Variants in VPS35L observed in about 807,000 individuals in gnomAD.
The protein encoded by VPS35L is VPS35 endosomal protein sorting factor like.
In VPS35L, 83 loss-of-function variants were observed where a neutral mutation model predicts 133.0. That is an observed-to-expected ratio of 0.62 (90% CI 0.52 to 0.75). VPS35L has a LOEUF of 0.75. Ranked by LOEUF, VPS35L falls within the 30% of genes least tolerant of loss-of-function variation. The pLI, the probability that VPS35L is intolerant of heterozygous loss-of-function variation, is 0.00. For synonymous variants in VPS35L, 423 were observed against 449.9 expected (o/e 0.94, Z 0.76); for missense variants, 1,083 against 1,206.8 (o/e 0.90, Z 1.52).
intron 27 of VPS35L, among the ~76,000 whole-genome samples, chr16:19,682,002 G>A (rs775169425): frequency 1.3e-5 from 2 of 152,124 alleles, no homozygotes; most frequent in African/African-American, 4.8e-5. Flanking sequence ...CTCAAAGCTC[G>A]TTTGCCCAGA....
intron 26 of VPS35L, among the ~76,000 whole-genome samples, chr16:19,659,626 G>A (rs1974414565): frequency 6.6e-6 from 1 of 152,018 alleles, no homozygotes; most frequent in African/African-American, 2.4e-5. Flanking sequence ...CTCAAACTTA[G>A]CTGTTGGAAT....
intron 2 of VPS35L, among the ~76,000 whole-genome samples, chr16:19,568,410 G>GTTT (rs5816057): frequency 6.4e-5 from 9 of 139,806 alleles, no homozygotes; most frequent in Admixed American, 5.0e-4. Context: ...CATTTTTCAT[G>GTTT]TTTTTTTTTT....
intron 22 of VPS35L, among the ~76,000 whole-genome samples, chr16:19,643,932 T>C (rs1268276936): frequency 6.6e-6 from 1 of 152,150 alleles, no homozygotes; most frequent in Non-Finnish European, 1.5e-5. Context: ...CACTCCAGCC[T>C]GGGCAACAAG....
intron 29 of VPS35L, among the ~76,000 whole-genome samples, chr16:19,696,408 C>T (rs1035777606): frequency 6.6e-6 from 1 of 152,148 alleles, no homozygotes; most frequent in Non-Finnish European, 1.5e-5. Context: ...TGGTAGCAAC[C>T]GTGCTTCCAA....
At chr16:19,584,234 T>C (rs748980045) in intron 7 of VPS35L, among the ~76,000 whole-genome samples, 4 of 152,232 alleles carry the variant, frequency 2.6e-5, no homozygotes, top group Non-Finnish European at 5.9e-5. Flanking sequence ...GTGGGATTGC[T>C]ACATCATATG....
At chr16:19,591,989 C>A in intron 8 of VPS35L, 115 bp downstream of exon 8, 1 of 786,082 alleles carries the variant, frequency 1.3e-6, no homozygotes, top group South Asian at 1.6e-5. Flanking sequence ...TTAAGTAAGT[C>A]ATGGGAGAGA....
chr16:19,595,008 C>T (rs1972164916), intron 8 of VPS35L, among the ~76,000 whole-genome samples: 1 of 152,018 alleles, frequency 6.6e-6, no homozygotes, highest in African/African-American at 2.4e-5. Context: ...GGGGTGGGAG[C>T]ATTGGGAGCA....
chr16:19,584,329 TA>T (rs1039798031), intron 7 of VPS35L, among the ~76,000 whole-genome samples: 82 of 152,296 alleles, frequency 5.4e-4, no homozygotes, highest in African/African-American at 2.0e-3. Flanking sequence ...CCATAGTGTG[TA>T]AGAGTTCCCT....
At chr16:19,663,533 C>T (rs1974557570) in intron 26 of VPS35L, among the ~76,000 whole-genome samples, 1 of 143,826 alleles carries the variant, frequency 7.0e-6, no homozygotes, top group Non-Finnish European at 1.5e-5. Context: ...TTTTCCCCCG[C>T]CACCCTCCCC....
chr16:19,623,766 T>TTTA (rs199933640), intron 14 of VPS35L, among the ~76,000 whole-genome samples: 4,484 of 126,750 alleles, frequency 0.035, 85 homozygotes, highest in Non-Finnish European at 0.044. Context: ...TACTTATTTA[T>TTTA]TTATTATTAT....
chr16:19,682,099 T>G (rs1215083624), intron 27 of VPS35L, 126 bp from the exon 28 acceptor site: 1 of 1,085,482 alleles, frequency 9.2e-7, no homozygotes, highest in African/African-American at 1.6e-5. Context: ...TTGCCTTTGT[T>G]CAGTAACTGA....
intron 29 of VPS35L, among the ~76,000 whole-genome samples, chr16:19,695,862 G>A (rs1975888504): frequency 6.6e-6 from 1 of 151,996 alleles, no homozygotes; most frequent in Non-Finnish European, 1.5e-5. Flanking sequence ...GGTGGACCAA[G>A]CTGAAACTGA....
At chr16:19,694,963 G>A (rs1389217825) in intron 29 of VPS35L, among the ~76,000 whole-genome samples, 1 of 150,480 alleles carries the variant, frequency 6.6e-6, no homozygotes, top group Non-Finnish European at 1.5e-5. Context: ...CTGAGATCAC[G>A]CCACTGCACT....
At chr16:19,577,211 C>G (rs1971566420) in intron 5 of VPS35L, among the ~76,000 whole-genome samples, 1 of 152,202 alleles carries the variant, frequency 6.6e-6, no homozygotes, top group East Asian at 1.9e-4. Context: ...GGTGCAGCAT[C>G]TGCTGTTGGT....
rs2151570808 is a variant in VPS35L, at chr16:19,633,253, G to A, written c.1635+81G>A. The A allele has an allele frequency of 4.1e-6, 5 of 1,228,260 alleles. No individual in the cohort carries two copies. The East Asian group carries it at 1.2e-4, about 29-fold the overall frequency. The allele number at this position is 1,228,260 out of a possible 1,614,324, so 76.1% of individuals were successfully genotyped here. A position where few individuals can be genotyped will look rare whatever the true frequency, so the allele number is the denominator to read the frequency against. ...TAAATAGGCGTGTTGTATGGGTCAGGCTATAAAGGCACATAATCCTGTGTT... is the reference window on the plus strand; with the variant it reads ...TAAATAGGCGTGTTGTATGGGTCAGACTATAAAGGCACATAATCCTGTGTT... On this transcript the variant is annotated intron_variant, in intron 19 of 30. Coordinates refer to ENST00000417362, the MANE Select transcript of VPS35L (RefSeq NM_020314.7). The surrounding 1 kb of genome is among the most constrained non-coding windows in gnomAD (Gnocchi z 4.1).
At chr16:19,689,888 G>A (rs1237444639) in intron 28 of VPS35L, among the ~76,000 whole-genome samples, 1 of 152,158 alleles carries the variant, frequency 6.6e-6, no homozygotes, top group Non-Finnish European at 1.5e-5. Flanking sequence ...ATTGTATGCT[G>A]ATATAAAAAT....
chr16:19,569,596 T>G lies in VPS35L; in HGVS notation c.285+5T>G. ...GCAGCCTTGGCAGCTGCCATGGTAA[T>G]GCACCCCAGCCATGGTCGTCCAGTG... is the stretch of plus-strand genomic sequence containing the variant. On this transcript the variant is annotated splice_donor_5th_base_variant and intron_variant, in intron 3 of 30. Transcript: ENST00000417362. 1 of 1,535,146 alleles carries G rather than the reference T, an allele frequency of 6.5e-7. No homozygotes were observed. Among genetic ancestry groups the G allele is most frequent in the Admixed American group, 2.1e-5 (1 of 46,994 alleles).
chr16:19,633,294 C>A lies in VPS35L; in HGVS notation c.1635+122C>A. ...ATCCTGTGTTTGAATCATAGCTCTG[C>A]CATATCCTAGCCATGTGCCCTTTGA... is the stretch of plus-strand genomic sequence containing the variant. On this transcript the variant is annotated intron_variant, in intron 19 of 30. Transcript: ENST00000417362. The surrounding 1 kb of genome is among the most constrained non-coding windows in gnomAD (Gnocchi z 4.1). 1 of 903,526 alleles carries A rather than the reference C, an allele frequency of 1.1e-6. No homozygotes were observed. Among genetic ancestry groups the A allele is most frequent in the Non-Finnish European group, 1.8e-6 (1 of 560,638 alleles). The allele number at this position is 903,526 out of a possible 1,614,324, so 56.0% of individuals were successfully genotyped here.
Position 19,627,701 on chromosome 16 carries a change from C to T in VPS35L, c.1279C>T (p.Leu427=), listed in dbSNP as rs1433143744. The change falls in exon 16 of 31, where the codon CTG becomes TTG. Residue 427 remains leucine, a synonymous_variant. Coordinates refer to ENST00000417362, the MANE Select transcript of VPS35L (RefSeq NM_020314.7). The stretch of plus-strand genomic sequence containing the variant: ...GGGATCTGTGTCTTGCAGTGCCTTG[C>T]TGTTGAATTCTGTGATGTCTGCCTT... ...RCKKLGNNAL[L]LNSVMSAFRA... is the part of the protein sequence containing the mutation. 1 of 1,612,494 alleles carries T rather than the reference C, an allele frequency of 6.2e-7. No homozygotes were observed. The highest frequency in any genetic ancestry group is 8.5e-7 in the Non-Finnish European group (1 of 1,178,696).
Sources: gnomAD v4.1 joint callset for allele counts (sites outside exome capture counted in the v4.1 genomes callset) on GRCh38, gnomAD v4.1.1 for gene constraint, Gnocchi (gnomAD v3.1) non-coding constraint, MANE v1.5 for transcripts, NCBI Gene and HGNC (gene_info 2026-07-23, HGNC 2026-07-21) for gene names.